BTBD8: variants seen among roughly 807,000 people sequenced by gnomAD.
BTBD8 encodes BTB domain containing 8.
In BTBD8, 110 loss-of-function variants were observed where a neutral mutation model predicts 162.9. The ratio of observed to expected loss-of-function variants is 0.68; its 90% CI spans 0.58 to 0.79. The LOEUF (loss-of-function observed/expected upper bound fraction) is 0.79, where lower values mean the gene tolerates loss of function less well. Among genes scored for constraint, BTBD8 ranks in the 30% least tolerant of loss-of-function variants. The pLI is 0.00. For missense variants in BTBD8, 1,905 were observed against 2,085.4 expected, an observed-to-expected ratio of 0.91 and a Z score of 1.68; for synonymous variants, 667 against 716.1, an observed-to-expected ratio of 0.93 and a Z score of 1.10.
intron 2 of BTBD8, among the ~76,000 whole-genome samples, chr1:92,096,618 A>G (rs1380715383): frequency 6.7e-6 from 1 of 150,192 alleles, no homozygotes; most frequent in Non-Finnish European, 1.5e-5. Context: ...TGGTGCAATC[A>G]TAGCTCACTG....
chr1:92,120,209 TA>T (rs1370047028), intron 4 of BTBD8, among the ~76,000 whole-genome samples: 2 of 152,124 alleles, frequency 1.3e-5, no homozygotes, highest in African/African-American at 2.4e-5. Context: ...TTTTTTCTGT[TA>T]AAAAATATTT....
chr1:92,095,026 T>C (rs1369314060), intron 2 of BTBD8, among the ~76,000 whole-genome samples: 1 of 152,208 alleles, frequency 6.6e-6, no homozygotes, highest in Admixed American at 6.5e-5. Context: ...ATCTGGGGTC[T>C]TGCTGATGGG....
chr1:92,147,462 A>G (rs571224710), intron 8 of BTBD8, among the ~76,000 whole-genome samples, 194 bp downstream of exon 8: 29 of 152,308 alleles, frequency 1.9e-4, no homozygotes, highest in African/African-American at 7.0e-4. Context: ...GGATCATTTT[A>G]TCTTAGCTGA....
chr1:92,166,041 T>A (rs1212849784), intron 9 of BTBD8, among the ~76,000 whole-genome samples: 1 of 152,218 alleles, frequency 6.6e-6, no homozygotes, highest in South Asian at 2.1e-4. Context: ...TAAGTTGCCT[T>A]TTTTCCTTTT....
At chr1:92,133,814 CA>C in intron 5 of BTBD8, among the ~76,000 whole-genome samples, 1 of 151,984 alleles carries the variant, frequency 6.6e-6, no homozygotes, top group East Asian at 1.9e-4. Flanking sequence ...ACTAAAAATA[CA>C]AAAAATTAGC....
chr1:92,145,310 G>T (rs922999109), intron 7 of BTBD8, among the ~76,000 whole-genome samples: 1 of 152,018 alleles, frequency 6.6e-6, no homozygotes, highest in Admixed American at 6.6e-5. Flanking sequence ...TAGGAGAGGG[G>T]TATTAGAAAA....
chr1:92,181,015 A>G lies in BTBD8; in HGVS notation c.3332A>G (p.Asp1111Gly). The change falls in exon 17 of 18, where the codon GAC (aspartate) becomes GGC (glycine). Residue 1111 changes from aspartate (D) to glycine (G), a missense_variant. Coordinates refer to ENST00000636805, the MANE Select transcript of BTBD8 (RefSeq NM_001376131.1). ...AACTCTAATCCAGTTTGTGATTTAG[A>G]CTCAACAAGTGCAGGGCAAATCCAT... The part of the protein sequence containing the change: ...SLNSNPVCDL[D>G]STSAGQIHLI... 1 of 1,551,876 alleles carries G rather than the reference A, an allele frequency of 6.4e-7. No individual in the cohort carries two copies. Among genetic ancestry groups the G allele is most frequent in the Non-Finnish European group, 8.7e-7 (1 of 1,147,046 alleles).
chr1:92,099,381 A>G (rs892921153), intron 2 of BTBD8, among the ~76,000 whole-genome samples: 4 of 150,540 alleles, frequency 2.7e-5, no homozygotes, highest in African/African-American at 9.8e-5. Flanking sequence ...GGCCCCTTGT[A>G]TTTCCATTTG....
At chr1:92,137,619 G>A (rs1237783361) in intron 5 of BTBD8, among the ~76,000 whole-genome samples, 4 of 152,304 alleles carry the variant, frequency 2.6e-5, no homozygotes. Flanking sequence ...ATCAGTAAGT[G>A]AAGTAAGAAA....
chr1:92,168,123 G>A, intron 11 of BTBD8, 138 bp downstream of exon 11: 2 of 582,404 alleles, frequency 3.4e-6, no homozygotes, highest in Non-Finnish European at 5.2e-6. Flanking sequence ...CTCTACTTTT[G>A]TATATGTTTG....
intron 9 of BTBD8, among the ~76,000 whole-genome samples, chr1:92,156,890 G>A (rs1002509994): frequency 6.7e-6 from 1 of 150,280 alleles, no homozygotes; most frequent in South Asian, 2.1e-4. Context: ...AAGCAACTCA[G>A]TTTTGTTATT....
intron 8 of BTBD8, among the ~76,000 whole-genome samples, 163 bp downstream of exon 8, chr1:92,147,431 A>G (rs1223683444): frequency 6.6e-6 from 1 of 152,208 alleles, no homozygotes; most frequent in African/African-American, 2.4e-5. Flanking sequence ...ATATTAATTT[A>G]GATATTACTC....
At chr1:92,165,594 A>G (rs1391848031) in intron 9 of BTBD8, among the ~76,000 whole-genome samples, 5 of 152,082 alleles carry the variant, frequency 3.3e-5, no homozygotes, top group African/African-American at 7.2e-5. Flanking sequence ...TCAATGATCT[A>G]TTGCTGTGTA....
In BTBD8 at chr1:92,176,940, G is replaced by A. The variant is rs759528286; in HGVS notation, c.1747G>A (p.Gly583Arg). The stretch of plus-strand genomic sequence containing the variant: ...TACTAATAAAAAGATGAAATCTGAT[G>A]GATTAGGAGCATCTGGACATTCGTC... The part of the protein sequence containing the change: ...LSTNKKMKSD[G>R]LGASGHSSST... The change falls in exon 14 of 18, where the codon GGA becomes AGA. Residue 583 changes from glycine to arginine, a missense_variant. By Grantham distance (125) the Gly-to-Arg change is moderately radical. Coordinates refer to ENST00000636805, the MANE Select transcript of BTBD8 (RefSeq NM_001376131.1). 6.5e-7 allele frequency: 1 copy of A among 1,540,564 alleles called. No homozygotes were observed. Among genetic ancestry groups the A allele is most frequent in the South Asian group, 1.2e-5 (1 of 82,514 alleles).
chr1:92,111,117 G>A (rs376524478), intron 4 of BTBD8, among the ~76,000 whole-genome samples: 4 of 151,390 alleles, frequency 2.6e-5, no homozygotes, highest in South Asian at 2.1e-4. Flanking sequence ...TCACCCTCCC[G>A]AGTAGCTGGG....
chr1:92,082,330 A>T (rs919688558), intron 1 of BTBD8, among the ~76,000 whole-genome samples: 18 of 152,232 alleles, frequency 1.2e-4, no homozygotes, highest in African/African-American at 4.3e-4. Flanking sequence ...AATACTAATG[A>T]AGTATCTAGC....
intron 3 of BTBD8, among the ~76,000 whole-genome samples, chr1:92,106,659 TCAAAAAAA>T (rs1345930360): frequency 5.1e-4 from 2 of 3,942 alleles, no homozygotes; most frequent in Admixed American, 4.5e-3. Context: ...AGACTCTGTC[TCAAAAAAA>T]AAAAAAAAAA....
At chr1:92,134,710 A>G (rs1021834644) in intron 5 of BTBD8, among the ~76,000 whole-genome samples, 2 of 152,056 alleles carry the variant, frequency 1.3e-5, no homozygotes, top group African/African-American at 4.8e-5. Flanking sequence ...AACTTCTTAT[A>G]TCTACAAAGT....
chr1:92,148,834 G>A lies in BTBD8; in HGVS notation c.1122+1048G>A, dbSNP rs544021919. Among the ~76,000 whole-genome samples the A allele has an allele frequency of 2.6e-5, 4 of 152,294 alleles. No homozygotes were observed. The South Asian group carries it at 6.2e-4, about 24-fold the overall frequency. ...CACTGTAAACCCACTGGCAAAGAAGGGGAATTATTGATAGATTGAGCCTAT... is the reference window on the plus strand; with the variant it reads ...CACTGTAAACCCACTGGCAAAGAAGAGGAATTATTGATAGATTGAGCCTAT... On this transcript the variant is annotated intron_variant, in intron 9 of 17. Transcript: ENST00000636805.
Sources: allele counts gnomAD v4.1 joint callset (sites outside exome capture counted in the v4.1 genomes callset), GRCh38; gene constraint gnomAD v4.1.1; transcripts MANE v1.5; gene names NCBI Gene and HGNC (gene_info 2026-07-23, HGNC 2026-07-21).